The following SLC7A7 variants were observed in gnomAD, a reference collection of about 807,000 sequenced individuals.
SLC7A7 encodes solute carrier family 7 member 7.
SLC7A7 carries 39 observed loss-of-function variants against 47.9 expected under a neutral mutation model. That is an observed-to-expected ratio of 0.81 (90% confidence interval 0.63 to 1.06). The LOEUF is 1.06. Among genes scored for constraint, SLC7A7 ranks in the 50% least tolerant of loss-of-function variants. SLC7A7 has a pLI of 0.00. For synonymous variants in SLC7A7, 234 were observed against 242.8 expected, an observed-to-expected ratio of 0.96 and a Z score of 0.34; for missense variants, 588 against 632.0, an observed-to-expected ratio of 0.93 and a Z score of 0.75.
At chr14:22,808,101 C>T (rs1484817374) in intron 2 of SLC7A7, among the ~76,000 whole-genome samples, 8 of 151,032 alleles carry the variant, frequency 5.3e-5, no homozygotes, top group Admixed American at 6.6e-5. Context: ...ATGGAGGTTG[C>T]GTGAGTGAGG....
chr14:22,805,881 G>C (rs1036766758), intron 2 of SLC7A7, among the ~76,000 whole-genome samples: 1 of 151,992 alleles, frequency 6.6e-6, no homozygotes, highest in South Asian at 2.1e-4. Flanking sequence ...GGTGGCTCAC[G>C]CCTGTAATCC....
rs2038523630 is a variant in SLC7A7 at position 22,773,653 on chromosome 14, T to C, written c.1493A>G (p.Asp498Gly). 6.2e-7 allele frequency: 1 copy of C among 1,614,056 alleles called. No homozygotes were observed. The highest frequency in any genetic ancestry group is 1.3e-5 in the African/African-American group (1 of 74,918). Reference protein sequence around the residue: ...MSVAAEMDLEDGGEMPKQRDP... With the variant: ...MSVAAEMDLEGGGEMPKQRDP... ...CCGTTGCTTGGGCATCTCTCCTCCA[T>C]CTTCCAAATCCATTTCTGCAGCAAC... Residue 498 changes from aspartate (D) to glycine (G), a missense_variant, in exon 10 of 10, where the codon GAT becomes GGT. Coordinates refer to ENST00000674313, the MANE Select transcript of SLC7A7 (RefSeq NM_003982.4).
At chr14:22,789,701 C>T (rs1005390347) in intron 2 of SLC7A7, among the ~76,000 whole-genome samples, 3 of 151,068 alleles carry the variant, frequency 2.0e-5, no homozygotes, top group Non-Finnish European at 4.4e-5. Context: ...ACAGGGAAAT[C>T]ATTCTGTATT....
chr14:22,797,037 G>T (rs2039032530), intron 2 of SLC7A7, among the ~76,000 whole-genome samples: 1 of 152,158 alleles, frequency 6.6e-6, no homozygotes, highest in Admixed American at 6.5e-5. Context: ...TGTGTGCCAG[G>T]TCACTATGTA....
At chr14:22,790,824 C>T (rs553011775) in intron 2 of SLC7A7, among the ~76,000 whole-genome samples, 2 of 151,942 alleles carry the variant, frequency 1.3e-5, no homozygotes, top group Admixed American at 6.6e-5. Context: ...ATGGTGAAAC[C>T]CCGTCTCTAC....
chr14:22,786,002 A>G (rs1453859017), intron 2 of SLC7A7, among the ~76,000 whole-genome samples: 2 of 135,130 alleles, frequency 1.5e-5, no homozygotes, highest in Non-Finnish European at 3.2e-5. Context: ...AGCCTGGGCC[A>G]CAGAGCGAGA....
At chr14:22,792,426 G>A (rs1289378051) in intron 2 of SLC7A7, among the ~76,000 whole-genome samples, 1 of 152,110 alleles carries the variant, frequency 6.6e-6, no homozygotes, top group African/African-American at 2.4e-5. Context: ...AGCTGGACTT[G>A]GTGGTGCACA....
chr14:22,793,625 A>G (rs1365163739), intron 2 of SLC7A7, among the ~76,000 whole-genome samples: 1 of 152,110 alleles, frequency 6.6e-6, no homozygotes, highest in African/African-American at 2.4e-5. Context: ...CAGCCTGGGC[A>G]ACATGGTGAA....
rs543790074 is a variant in SLC7A7, at chr14:22,806,040, C to G, written c.499+6860G>C. ...CCTGTAATCCCAGCCACTCGGGAGG[C>G]TGAGGCAGGAGAATCGCTTGAAGCT... On this transcript the variant is annotated intron_variant, in intron 2 of 9. Coordinates refer to ENST00000674313, the MANE Select transcript of SLC7A7 (RefSeq NM_003982.4). 1.6e-4 allele frequency among the ~76,000 whole-genome samples: 23 copies of G among 141,482 alleles called. No homozygotes were observed. In the Admixed American group the frequency reaches 1.7e-3, roughly 10 times the overall value. 92.8% of individuals were successfully genotyped at this position (141,482 alleles called of 152,430 possible). A position where few individuals can be genotyped will look rare whatever the true frequency, so the allele number is the denominator to read the frequency against.
chr14:22,787,965 C>T lies in SLC7A7; in HGVS notation c.500-7914G>A, dbSNP rs139809203. Among the ~76,000 whole-genome samples, 541 of 151,126 alleles carry T rather than the reference C, an allele frequency of 3.6e-3. 4 individuals are homozygous for T. The highest frequency in any genetic ancestry group is 0.012 in the African/African-American group (513 of 41,146). On this transcript the variant is annotated intron_variant, in intron 2 of 9. Transcript: ENST00000674313. ...GCGGGTGCCTGTAGTCCCAGCTACTCGGGAGGCTGAGGCAGGAGAATGGCG... is the reference window on the plus strand; with the variant it reads ...GCGGGTGCCTGTAGTCCCAGCTACTTGGGAGGCTGAGGCAGGAGAATGGCG...
rs764683947 is a variant in SLC7A7 at position 22,775,485 on chromosome 14, G to A, written c.1054C>T (p.His352Tyr). 8 of 1,614,190 alleles carry A rather than the reference G, an allele frequency of 5.0e-6. No homozygotes were observed. The Admixed American group carries it at 1.0e-4, about 20-fold the overall frequency. The change falls in exon 7 of 10, where the codon CAT (histidine) becomes TAT (tyrosine). Residue 352 changes from histidine to tyrosine, a missense_variant. Physicochemically the swap from His to Tyr is moderately conservative, Grantham distance 83. Transcript: ENST00000674313. Reference sequence around the variant, plus strand: ...GGCACTGGTGTGAACCGCTCAACATGGATCATGCAGATGGCATCAGGGAGA... The same window carrying A: ...GGCACTGGTGTGAACCGCTCAACATAGATCATGCAGATGGCATCAGGGAGA... ...GHLPDAICMI[H>Y]VERFTPVPSL...
intron 2 of SLC7A7, among the ~76,000 whole-genome samples, chr14:22,788,665 C>T (rs1429514196): frequency 2.0e-5 from 3 of 149,794 alleles, no homozygotes; most frequent in Non-Finnish European, 4.4e-5. Context: ...GATCCTACCA[C>T]TGCACTCCAG....
intron 2 of SLC7A7, chr14:22,780,253 C>T: frequency 1.8e-6 from 1 of 568,330 alleles, no homozygotes; most frequent in South Asian, 2.0e-5. Context: ...TACTCCCCAC[C>T]CCCAGCACCT....
chr14:22,818,078 C>T (rs2039430698), upstream of SLC7A7, among the ~76,000 whole-genome samples: 1 of 151,534 alleles, frequency 6.6e-6, no homozygotes, highest in African/African-American at 2.4e-5. Flanking sequence ...ACCAAATTCA[C>T]TGGCACCAAG....
At chr14:22,806,136 A>AC (rs1365987102) in intron 2 of SLC7A7, among the ~76,000 whole-genome samples, 1,409 of 111,204 alleles carry the variant, frequency 0.013, 102 homozygotes, top group African/African-American at 0.043. Context: ...AAAAAAAAAA[A>AC]AAAACTGTAC....
intron 2 of SLC7A7, among the ~76,000 whole-genome samples, chr14:22,797,975 A>G (rs561095274): frequency 3.7e-4 from 56 of 152,306 alleles, no homozygotes; most frequent in African/African-American, 1.3e-3. Context: ...TCACATTTCT[A>G]TGAGGTAGGG....
In SLC7A7 at chr14:22,804,768, G is replaced by A. The variant is rs182190387; in HGVS notation, c.499+8132C>T. Among the ~76,000 whole-genome samples, 316 of 152,196 alleles carry A rather than the reference G, an allele frequency of 2.1e-3. 3 individuals carry two copies. Among genetic ancestry groups the A allele is most frequent in the Non-Finnish European group, 2.4e-3 (164 of 67,994 alleles). On this transcript the variant is annotated intron_variant, in intron 2 of 9. Transcript: ENST00000674313. ...AGCACTTCGGGAGGCTGAGGCAGGT[G>A]GATCACCTGAGGTCAGTAGTTCAAG...
chr14:22,796,528 A>G (rs1393873949), intron 2 of SLC7A7, among the ~76,000 whole-genome samples: 1 of 152,230 alleles, frequency 6.6e-6, no homozygotes, highest in Non-Finnish European at 1.5e-5. Context: ...CTGTGGCCAC[A>G]TGTGTATGAC....
At chr14:22,795,643 T>G (rs959917915) in intron 2 of SLC7A7, among the ~76,000 whole-genome samples, 3 of 151,504 alleles carry the variant, frequency 2.0e-5, no homozygotes, top group Non-Finnish European at 4.4e-5. Flanking sequence ...CCCAGCTAAT[T>G]TTTTGTATTT....
Sources: gnomAD v4.1 joint callset for allele counts (sites outside exome capture counted in the v4.1 genomes callset) on GRCh38, gnomAD v4.1.1 for gene constraint, MANE v1.5 for transcripts, NCBI Gene and HGNC (gene_info 2026-07-23, HGNC 2026-07-21) for gene names.